The following UHRF2 variants were observed in gnomAD, a reference collection of about 807,000 sequenced individuals.
UHRF2 encodes the protein E3 ubiquitin-protein ligase UHRF2.
In UHRF2, 23 loss-of-function variants were observed where a neutral mutation model predicts 96.8. The ratio of observed to expected loss-of-function variants is 0.24; its 90% confidence interval spans 0.17 to 0.34. UHRF2 has a LOEUF of 0.34. UHRF2 is among the 10% of genes least tolerant of loss of function. The pLI, the probability that UHRF2 is intolerant of heterozygous loss-of-function variation, is 1.00. For synonymous variants in UHRF2, 385 were observed against 332.6 expected, an observed-to-expected ratio of 1.16 and a Z score of -1.72; for missense variants, 685 against 981.5, an observed-to-expected ratio of 0.70 and a Z score of 4.04.
At chr9:6,481,860 TATC>T in intron 7 of UHRF2, 94 bp downstream of exon 7, 1 of 1,541,100 alleles carries the variant, frequency 6.5e-7, no homozygotes, top group Non-Finnish European at 8.8e-7. Flanking sequence ...GATTAAACAG[TATC>T]ATTATTTGTT....
chr9:6,505,299 A>G (rs932060380), intron 15 of UHRF2, among the ~76,000 whole-genome samples: 1 of 151,890 alleles, frequency 6.6e-6, no homozygotes, highest in African/African-American at 2.4e-5. Context: ...GTGTGTGTAT[A>G]TATATATATA....
At position 6,413,309 on chromosome 9, in the gene UHRF2, G is replaced by T; in HGVS notation, c.-182G>T. On this transcript the variant is annotated 5_prime_UTR_variant, in exon 1 of 16. Transcript: ENST00000276893. ...TCGTCTCTCCTCAAGTCGGCTAGTC[G>T]GGCGCGCGCGCTGAGAGTCGTCGCC... The T allele has an allele frequency of 2.6e-6, 1 of 385,588 alleles. No homozygotes were observed. The highest frequency in any genetic ancestry group is 3.9e-6 in the Non-Finnish European group (1 of 256,964). 23.9% of individuals were successfully genotyped at this position (385,588 alleles called of 1,614,324 possible).
chr9:6,419,892 A>G (rs139105809), intron 1 of UHRF2, among the ~76,000 whole-genome samples: 135 of 152,078 alleles, frequency 8.9e-4, no homozygotes, highest in African/African-American at 3.0e-3. Flanking sequence ...GGCATGTACA[A>G]TCACACCCGG....
At chr9:6,476,010 G>A (rs1823547713) in intron 5 of UHRF2, among the ~76,000 whole-genome samples, 1 of 151,960 alleles carries the variant, frequency 6.6e-6, no homozygotes, top group Non-Finnish European at 1.5e-5. Flanking sequence ...GCACCCTATA[G>A]CCAACCCTTC....
At chr9:6,485,803 CAAAA>C (rs57868028) in intron 8 of UHRF2, among the ~76,000 whole-genome samples, 1 of 59,194 alleles carries the variant, frequency 1.7e-5, no homozygotes, top group African/African-American at 5.1e-5. Flanking sequence ...TGTCTCTACC[CAAAA>C]AAAAAAAAAA....
chr9:6,423,884 G>T (rs1820079698), intron 2 of UHRF2, among the ~76,000 whole-genome samples: 2 of 152,064 alleles, frequency 1.3e-5, no homozygotes, highest in South Asian at 2.1e-4. Context: ...GGCAGAGGTT[G>T]CAGTGAGCCA....
At chr9:6,462,134 C>T (rs559807234) in intron 4 of UHRF2, among the ~76,000 whole-genome samples, 2 of 152,114 alleles carry the variant, frequency 1.3e-5, no homozygotes, top group Non-Finnish European at 2.9e-5. Flanking sequence ...TTATAGCCCA[C>T]TAGCTGCCTA....
intron 3 of UHRF2, among the ~76,000 whole-genome samples, chr9:6,445,241 A>G (rs550316048): frequency 4.0e-5 from 6 of 151,464 alleles, no homozygotes; most frequent in African/African-American, 1.2e-4. Context: ...TTATCTGTCA[A>G]TAACTATTTG....
chr9:6,450,314 C>CT (rs1402239930), intron 3 of UHRF2, among the ~76,000 whole-genome samples: 1 of 145,550 alleles, frequency 6.9e-6, no homozygotes, highest in Non-Finnish European at 1.5e-5. Context: ...TCCCCCCCCC[C>CT]CATTTATTTA....
At chr9:6,419,480 T>C (rs1288150591) in intron 1 of UHRF2, among the ~76,000 whole-genome samples, 1 of 152,066 alleles carries the variant, frequency 6.6e-6, no homozygotes, top group Non-Finnish European at 1.5e-5. Context: ...TCTGCTTGAC[T>C]TAAAAAATAA....
At chr9:6,484,047 G>A (rs533585812) in intron 8 of UHRF2, among the ~76,000 whole-genome samples, 204 of 150,492 alleles carry the variant, frequency 1.4e-3, no homozygotes, top group Non-Finnish European at 2.6e-3. Context: ...TGTCTCCTAT[G>A]CATTTACCTT....
rs183746514 is a variant in UHRF2 at position 6,434,512 on chromosome 9, C to T, written c.644+339C>T. 2.6e-5 allele frequency among the ~76,000 whole-genome samples: 4 copies of T among 152,298 alleles called. No individual in the cohort carries two copies. The East Asian group carries it at 7.7e-4, about 29-fold the overall frequency. ...AGTGCTGAATGGCACAATCTCGCCT[C>T]ACTGCAACCTCAGCCTCCTGGGTTT... On this transcript the variant is annotated intron_variant, in intron 3 of 15. Coordinates refer to ENST00000276893, the MANE Select transcript of UHRF2 (RefSeq NM_152896.3).
intron 6 of UHRF2, among the ~76,000 whole-genome samples, chr9:6,480,795 C>T (rs1294099416): frequency 2.0e-5 from 3 of 152,140 alleles, no homozygotes; most frequent in Admixed American, 2.0e-4. Context: ...ACATAATTTG[C>T]TCAAGATCAG....
chr9:6,422,222 C>T (rs1429414595), intron 2 of UHRF2, among the ~76,000 whole-genome samples: 1 of 152,198 alleles, frequency 6.6e-6, no homozygotes, highest in Non-Finnish European at 1.5e-5. Context: ...AGTGGGATTA[C>T]AGGCGCGTAC....
At chr9:6,484,424 C>T (rs2130919118) in intron 8 of UHRF2, among the ~76,000 whole-genome samples, 1 of 147,062 alleles carries the variant, frequency 6.8e-6, no homozygotes, top group Non-Finnish European at 1.5e-5. Flanking sequence ...CCTCCCTCCT[C>T]CCTCCTGTCT....
At chr9:6,497,170 G>T in intron 10 of UHRF2, 28 bp from the exon 11 acceptor site, 3 of 1,608,246 alleles carry the variant, frequency 1.9e-6, no homozygotes, top group Non-Finnish European at 2.5e-6. Flanking sequence ...AAATTACATG[G>T]TATAAAGACT....
intron 3 of UHRF2, among the ~76,000 whole-genome samples, chr9:6,443,365 A>G (rs569847828): frequency 5.9e-5 from 9 of 152,018 alleles, no homozygotes; most frequent in African/African-American, 2.2e-4. Context: ...TCTTATGTGT[A>G]AAGTGGGAAT....
chr9:6,420,777 A>C (rs1409021317), intron 1 of UHRF2, 135 bp from the exon 2 acceptor site: 8 of 652,222 alleles, frequency 1.2e-5, no homozygotes. Context: ...GAGGCCATTA[A>C]GTATTAAGAA....
At chr9:6,443,615 C>A (rs914167145) in intron 3 of UHRF2, among the ~76,000 whole-genome samples, 7 of 152,106 alleles carry the variant, frequency 4.6e-5, no homozygotes, top group African/African-American at 1.7e-4. Flanking sequence ...ATACTATAAA[C>A]CAGAGAAGTT....
Sources: gnomAD v4.1 joint callset for allele counts (sites outside exome capture counted in the v4.1 genomes callset) on GRCh38, gnomAD v4.1.1 for gene constraint, MANE v1.5 for transcripts, NCBI Gene and HGNC (gene_info 2026-07-23, HGNC 2026-07-21) for gene names.